The following FAM135B variants were observed in gnomAD, a reference collection of about 807,000 sequenced individuals.
FAM135B encodes protein FAM135B.
Under a neutral mutation model 127.7 loss-of-function variants are expected in FAM135B, and 43 were observed. The observed-to-expected ratio is 0.34, with a 90% CI of 0.26 to 0.43. FAM135B has a LOEUF of 0.43. Among genes scored for constraint, FAM135B ranks in the 20% least tolerant of loss-of-function variants. The pLI is 1.00. For missense variants in FAM135B, 1,558 were observed against 1,725.6 expected, an observed-to-expected ratio of 0.90 and a Z score of 1.72; for synonymous variants, 670 against 665.1, an observed-to-expected ratio of 1.01 and a Z score of -0.11.
chr8:138,356,080 C>G (rs1554673668), intron 2 of FAM135B, among the ~76,000 whole-genome samples: 1 of 152,138 alleles, frequency 6.6e-6, no homozygotes, highest in Non-Finnish European at 1.5e-5. Context: ...TGTAAGGACA[C>G]AGCACTAGGG....
intron 1 of FAM135B, among the ~76,000 whole-genome samples, chr8:138,403,046 G>A (rs780532136): frequency 1.3e-5 from 2 of 152,148 alleles, no homozygotes; most frequent in Admixed American, 6.5e-5. Flanking sequence ...AAATCAGCTC[G>A]TACCTTGATC....
intron 3 of FAM135B, among the ~76,000 whole-genome samples, chr8:138,272,270 C>T (rs774587880): frequency 8.5e-5 from 13 of 152,150 alleles, no homozygotes; most frequent in East Asian, 5.8e-4. Context: ...AAATATTTAG[C>T]GAATCAATCC....
At chr8:138,365,149 T>C (rs2131200028) in intron 2 of FAM135B, among the ~76,000 whole-genome samples, 1 of 152,262 alleles carries the variant, frequency 6.6e-6, no homozygotes, top group South Asian at 2.1e-4. Context: ...GCCTGGCTGA[T>C]CACGTAGCAT....
intron 1 of FAM135B, among the ~76,000 whole-genome samples, chr8:138,369,857 CT>C (rs528895310): frequency 4.8e-4 from 73 of 152,320 alleles, no homozygotes; most frequent in African/African-American, 1.5e-3. Flanking sequence ...AAACTCAGAG[CT>C]GGTAAAACCA....
chr8:138,490,871 G>A (rs758476519), intron 1 of FAM135B, among the ~76,000 whole-genome samples: 7 of 152,156 alleles, frequency 4.6e-5, no homozygotes, highest in Admixed American at 6.5e-5. Flanking sequence ...GGCCAGGCGC[G>A]GTGGATCATG....
chr8:138,297,069 C>T (rs1825528703), intron 3 of FAM135B, among the ~76,000 whole-genome samples: 1 of 152,122 alleles, frequency 6.6e-6, no homozygotes, highest in African/African-American at 2.4e-5. Flanking sequence ...CATCTGGGCC[C>T]CTCATGTACA....
At chr8:138,432,882 C>T (rs958468637) in intron 1 of FAM135B, among the ~76,000 whole-genome samples, 3 of 151,950 alleles carry the variant, frequency 2.0e-5, no homozygotes, top group African/African-American at 7.3e-5. Flanking sequence ...GACGGGGCCC[C>T]AGAAAACCTT....
intron 3 of FAM135B, among the ~76,000 whole-genome samples, chr8:138,289,520 A>G (rs1304786229): frequency 6.6e-6 from 1 of 152,312 alleles, no homozygotes; most frequent in Non-Finnish European, 1.5e-5. Context: ...GCTCGGTGGT[A>G]TCTTCCCAGG....
At chr8:138,375,648 G>A (rs1170640709) in intron 1 of FAM135B, among the ~76,000 whole-genome samples, 1 of 152,008 alleles carries the variant, frequency 6.6e-6, no homozygotes, top group Non-Finnish European at 1.5e-5. Context: ...TTGTATGAGT[G>A]TTTCATTTTG....
intron 2 of FAM135B, among the ~76,000 whole-genome samples, chr8:138,352,175 C>T (rs1012064759): frequency 6.6e-6 from 1 of 152,146 alleles, no homozygotes; most frequent in African/African-American, 2.4e-5. Context: ...CAGTTTCACC[C>T]AGGCAATGAA....
chr8:138,329,675 G>C (rs1238179630), intron 2 of FAM135B, among the ~76,000 whole-genome samples: 2 of 152,184 alleles, frequency 1.3e-5, no homozygotes, highest in Non-Finnish European at 2.9e-5. Flanking sequence ...TCTGCGGTTA[G>C]ACAGACATGG....
At chr8:138,329,490 G>A (rs1185159134) in intron 2 of FAM135B, among the ~76,000 whole-genome samples, 1 of 152,156 alleles carries the variant, frequency 6.6e-6, no homozygotes, top group African/African-American at 2.4e-5. Context: ...CTTTATTTCT[G>A]CAAAACTGTT....
chr8:138,297,951 C>T (rs1474893934), intron 3 of FAM135B, among the ~76,000 whole-genome samples: 2 of 152,148 alleles, frequency 1.3e-5, no homozygotes, highest in Non-Finnish European at 1.5e-5. Context: ...CCCAACACCA[C>T]GGGCACAGAA....
chr8:138,161,461 C>A (rs541448853), intron 12 of FAM135B, among the ~76,000 whole-genome samples: 1 of 151,992 alleles, frequency 6.6e-6, no homozygotes, highest in South Asian at 2.1e-4. Flanking sequence ...ATGAAATAGT[C>A]GTGTGACATA....
intron 2 of FAM135B, among the ~76,000 whole-genome samples, chr8:138,315,933 T>A (rs1216422995): frequency 2.6e-5 from 4 of 152,164 alleles, no homozygotes; most frequent in Non-Finnish European, 5.9e-5. Flanking sequence ...TAAATAAGTT[T>A]AGAGATCTAA....
chr8:138,247,584 T>C (rs1467376284), intron 6 of FAM135B, among the ~76,000 whole-genome samples: 1 of 152,226 alleles, frequency 6.6e-6, no homozygotes, highest in Non-Finnish European at 1.5e-5. Flanking sequence ...CTTTCCTTTA[T>C]ACATTACCCA....
intron 1 of FAM135B, among the ~76,000 whole-genome samples, chr8:138,468,460 A>C (rs1837493495): frequency 6.6e-6 from 1 of 152,176 alleles, no homozygotes; most frequent in Non-Finnish European, 1.5e-5. Context: ...AATCAATTTC[A>C]TTATGAGTTT....
chr8:138,195,828 C>T (rs531579443), intron 8 of FAM135B, among the ~76,000 whole-genome samples: 1 of 152,318 alleles, frequency 6.6e-6, no homozygotes, highest in Admixed American at 6.5e-5. Flanking sequence ...TGGCCTCTGG[C>T]TATTTGTTTT....
At chr8:138,411,143 A>C (rs903068452) in intron 1 of FAM135B, among the ~76,000 whole-genome samples, 7 of 150,476 alleles carry the variant, frequency 4.7e-5, no homozygotes, top group African/African-American at 7.4e-5. Context: ...AAACTACTTT[A>C]AAGTTCATAT....
Sources: gnomAD v4.1 joint callset for allele counts (sites outside exome capture counted in the v4.1 genomes callset) on GRCh38, gnomAD v4.1.1 for gene constraint, MANE v1.5 for transcripts, NCBI Gene and HGNC (gene_info 2026-07-23, HGNC 2026-07-21) for gene names.